Variants in RNASE10 observed in about 807,000 individuals in gnomAD.
RNASE10 encodes the protein inactive ribonuclease-like protein 10.
Under a neutral mutation model 1.1 loss-of-function variants are expected in RNASE10, and 2 were observed. That is an observed-to-expected ratio of 1.82 (90% CI 0.74 to 5.73). The LOEUF is 5.73. Among genes scored for constraint, RNASE10 ranks in the 30% most tolerant of loss-of-function variants. RNASE10 has a pLI of 0.05. For missense variants in RNASE10, 276 were observed against 263.4 expected (o/e 1.05, Z -0.33); for synonymous variants, 97 against 96.2 (o/e 1.01, Z -0.05).
intron 1 of RNASE10, 189 bp from the exon 2 acceptor site, chr14:20,510,278 A>C: frequency 1.5e-5 from 5 of 337,306 alleles, no homozygotes; most frequent in Non-Finnish European, 2.1e-5. Flanking sequence ...GCAACAGGGA[A>C]TGTGGTAGGG....
intron 1 of RNASE10, among the ~76,000 whole-genome samples, chr14:20,509,508 A>C (rs562304511): frequency 6.6e-6 from 1 of 152,382 alleles, no homozygotes; most frequent in South Asian, 2.1e-4. Flanking sequence ...CTGGCTTAAC[A>C]AGATGTAGCT....
chr14:20,505,313 C>G (rs1260354048), upstream of RNASE10, among the ~76,000 whole-genome samples: 1 of 90,284 alleles, frequency 1.1e-5, no homozygotes, highest in African/African-American at 4.7e-5. Context: ...TCTCCCTCTC[C>G]CTCTCCCTCT....
chr14:20,506,939 A>C (rs1246429915), intron 1 of RNASE10, among the ~76,000 whole-genome samples: 2 of 70,850 alleles, frequency 2.8e-5, no homozygotes, highest in Admixed American at 1.7e-4. Context: ...GGGAGGGGGG[A>C]GGGGGGGTCA....
At chr14:20,511,470 G>A (rs557301715), downstream of RNASE10, among the ~76,000 whole-genome samples, 130 of 152,280 alleles carry the variant, frequency 8.5e-4, no homozygotes, top group African/African-American at 3.0e-3. Flanking sequence ...CTTTACCCAT[G>A]TTCTTCCCTG....
At chr14:20,508,380 T>C (rs1245050464) in intron 1 of RNASE10, among the ~76,000 whole-genome samples, 1 of 152,162 alleles carries the variant, frequency 6.6e-6, no homozygotes, top group Non-Finnish European at 1.5e-5. Context: ...CTGTTCTGAG[T>C]AATGTGATGA....
At chr14:20,507,007 G>T (rs1384263295) in intron 1 of RNASE10, among the ~76,000 whole-genome samples, 3 of 150,072 alleles carry the variant, frequency 2.0e-5, no homozygotes, top group Non-Finnish European at 4.4e-5. Flanking sequence ...TCAGCCCCCC[G>T]CCCGGCCAGC....
downstream of RNASE10, chr14:20,511,200 C>T (rs1882892837): frequency 4.3e-6 from 5 of 1,163,216 alleles, no homozygotes; most frequent in Non-Finnish European, 5.7e-6. Flanking sequence ...ATATAGTTCT[C>T]CTGATCTTAG....
intron 1 of RNASE10, among the ~76,000 whole-genome samples, chr14:20,506,478 G>C (rs1193920313): frequency 7.8e-6 from 1 of 127,604 alleles, no homozygotes; most frequent in Non-Finnish European, 1.7e-5. Context: ...CGCCCCGTCC[G>C]GGAGGGAGGT....
upstream of RNASE10, among the ~76,000 whole-genome samples, chr14:20,504,376 C>T (rs990158713): frequency 2.6e-5 from 4 of 152,056 alleles, no homozygotes; most frequent in Non-Finnish European, 1.5e-5. Flanking sequence ...TTGGGTGCCT[C>T]AAGGAACAAC....
chr14:20,510,389 C>T lies in RNASE10; in HGVS notation c.80-78C>T, dbSNP rs183191949. ...AGACCCCAGATACAATGCTGTAGGGCTTAGTGAGATTACAGTCTCTACTAG... is the reference window on the plus strand; with the variant it reads ...AGACCCCAGATACAATGCTGTAGGGTTTAGTGAGATTACAGTCTCTACTAG... On this transcript the variant is annotated intron_variant, in intron 1 of 1. Coordinates refer to ENST00000430083, the Ensembl canonical transcript of RNASE10. 2.2e-3 allele frequency: 3,333 copies of T among 1,532,486 alleles called. 31 individuals carry two copies. The highest frequency in any genetic ancestry group is 1.4e-3 in the Non-Finnish European group (1,605 of 1,148,520). 94.9% of individuals were successfully genotyped at this position (1,532,486 alleles called of 1,614,324 possible).
intron 1 of RNASE10, among the ~76,000 whole-genome samples, chr14:20,510,218 C>G (rs912834412): frequency 6.6e-6 from 1 of 152,140 alleles, no homozygotes; most frequent in Non-Finnish European, 1.5e-5. Flanking sequence ...GGTCATCTCC[C>G]TACTCTTCAA....
chr14:20,513,053 T>G (rs964923799), downstream of RNASE10, among the ~76,000 whole-genome samples: 2 of 152,122 alleles, frequency 1.3e-5, no homozygotes, highest in African/African-American at 4.8e-5. Flanking sequence ...AGCCAGGGAT[T>G]AAAGCCTATA....
At chr14:20,512,371 A>G (rs977411215), downstream of RNASE10, among the ~76,000 whole-genome samples, 8 of 152,208 alleles carry the variant, frequency 5.3e-5, no homozygotes, top group Admixed American at 1.3e-4. Flanking sequence ...AGTCATGCAT[A>G]GGGAGAAGAG....
exon 2 of RNASE10, chr14:20,510,702 A>G (rs753086866): frequency 1.5e-5 from 24 of 1,614,098 alleles, no homozygotes; most frequent in Non-Finnish European, 1.7e-5. Context: ...AAGTGGTGCA[A>G]CCTGGCTGGC....
Position 20,510,461 on chromosome 14 carries a change from C to T in RNASE10, c.80-6C>T. On this transcript the variant is annotated splice_polypyrimidine_tract_variant and splice_region_variant and intron_variant, in intron 1 of 1. Coordinates refer to ENST00000430083, the Ensembl canonical transcript of RNASE10. ...CACGTTCTTCCATTTCCCGCTTCCT[C>T]TCCAGGCAAAATGAAGCTGAATCTG... 1.9e-6 allele frequency: 3 copies of T among 1,602,690 alleles called. No individual in the cohort carries two copies. Among genetic ancestry groups the T allele is most frequent in the Non-Finnish European group, 2.6e-6 (3 of 1,175,518 alleles).
chr14:20,510,374 T>C (rs149369339), intron 1 of RNASE10, 93 bp from the exon 2 acceptor site: 1 of 1,511,608 alleles, frequency 6.6e-7, no homozygotes, highest in Non-Finnish European at 8.8e-7. Context: ...AGACCCCAGA[T>C]ACAATGCTGT....
At chr14:20,507,064 TG>T (rs1882758887) in intron 1 of RNASE10, among the ~76,000 whole-genome samples, 1 of 149,968 alleles carries the variant, frequency 6.7e-6, no homozygotes, top group East Asian at 2.0e-4. Flanking sequence ...CCGCCCCTAC[TG>T]GGAAGTGAGG....
At chr14:20,506,635 CCTGG>C (rs1882731350) in intron 1 of RNASE10, among the ~76,000 whole-genome samples, 17 of 103,846 alleles carry the variant, frequency 1.6e-4, no homozygotes, top group Admixed American at 5.2e-4. Flanking sequence ...CAGCCCCCCG[CCTGG>C]CCAGCCGCCC....
intron 1 of RNASE10, among the ~76,000 whole-genome samples, chr14:20,508,661 A>C (rs1217696554): frequency 6.6e-6 from 1 of 152,076 alleles, no homozygotes; most frequent in Non-Finnish European, 1.5e-5. Context: ...GTCTCAACTT[A>C]ATAAGGAAAG....
Sources: allele counts gnomAD v4.1 joint callset (sites outside exome capture counted in the v4.1 genomes callset), GRCh38; gene constraint gnomAD v4.1.1; transcripts MANE v1.5; gene names NCBI Gene and HGNC (gene_info 2026-07-23, HGNC 2026-07-21).